Variants in RAB7B observed in about 807,000 individuals in gnomAD.
RAB7B encodes RAB7B, member RAS oncogene family.
chr1:205,990,193 A>G (rs1310471629), intron 4 of RAB7B, among the ~76,000 whole-genome samples: 1 of 152,206 alleles, frequency 6.6e-6, no homozygotes, highest in Non-Finnish European at 1.5e-5. Flanking sequence ...GGATGACTCT[A>G]AATCCCACAG....
At chr1:205,990,532 C>CAGAG (rs1217686492) in intron 4 of RAB7B, among the ~76,000 whole-genome samples, 2 of 149,280 alleles carry the variant, frequency 1.3e-5, no homozygotes, top group Non-Finnish European at 3.0e-5. Flanking sequence ...GTGGATTCAA[C>CAGAG]AGAGAGAGAG....
At chr1:205,994,633 T>C (rs1443259934) in intron 1 of RAB7B, among the ~76,000 whole-genome samples, 1 of 152,194 alleles carries the variant, frequency 6.6e-6, no homozygotes, top group Non-Finnish European at 1.5e-5. Context: ...ATCAAAAGGC[T>C]CCTCTCTAAT....
chr1:205,982,029 A>G (rs1458415766), intron 5 of RAB7B, among the ~76,000 whole-genome samples: 1 of 152,238 alleles, frequency 6.6e-6, no homozygotes, highest in Non-Finnish European at 1.5e-5. Context: ...GGTCTCTTTC[A>G]GTATGTTAAC....
At chr1:205,988,190 T>C (rs1660647149) in intron 4 of RAB7B, among the ~76,000 whole-genome samples, 1 of 151,758 alleles carries the variant, frequency 6.6e-6, no homozygotes, top group Non-Finnish European at 1.5e-5. Flanking sequence ...TATATATGTA[T>C]GTATATGTGT....
chr1:205,988,463 G>T (rs1402892159), intron 4 of RAB7B, among the ~76,000 whole-genome samples: 1 of 152,126 alleles, frequency 6.6e-6, no homozygotes, highest in African/African-American at 2.4e-5. Flanking sequence ...TCGAACTCCT[G>T]GGCTCAAGCT....
At chr1:206,003,200 C>T in intron 1 of RAB7B, 53 bp downstream of exon 1, 1 of 152,468 alleles carries the variant, frequency 6.6e-6, no homozygotes, top group South Asian at 2.1e-4. Context: ...CAAATAACTC[C>T]CAGGGCTGCA....
chr1:205,990,842 C>T (rs1411212015), intron 4 of RAB7B, among the ~76,000 whole-genome samples: 3 of 141,940 alleles, frequency 2.1e-5, no homozygotes, highest in Non-Finnish European at 4.5e-5. Context: ...GGCTGGAGTG[C>T]AGTGGTGCGA....
At chr1:205,998,882 T>C (rs1660848425) in intron 1 of RAB7B, among the ~76,000 whole-genome samples, 1 of 152,254 alleles carries the variant, frequency 6.6e-6, no homozygotes, top group South Asian at 2.1e-4. Flanking sequence ...GCTAGCTATT[T>C]TATTGCACAC....
intron 4 of RAB7B, among the ~76,000 whole-genome samples, chr1:205,991,990 C>T (rs1233442421): frequency 6.6e-6 from 1 of 152,222 alleles, no homozygotes; most frequent in African/African-American, 2.4e-5. Context: ...CCCCAGAAAA[C>T]TTGTATATCC....
intron 4 of RAB7B, among the ~76,000 whole-genome samples, chr1:205,986,259 A>G (rs1660602155): frequency 6.6e-6 from 1 of 152,220 alleles, no homozygotes; most frequent in Non-Finnish European, 1.5e-5. Context: ...AACAATTAAT[A>G]AGCTCCTACT....
intron 4 of RAB7B, among the ~76,000 whole-genome samples, chr1:205,991,617 A>G (rs1336250162): frequency 1.3e-5 from 2 of 152,190 alleles, no homozygotes; most frequent in East Asian, 1.9e-4. Flanking sequence ...TTCTCCTTCC[A>G]TAAACACACT....
In RAB7B at chr1:205,992,556, AG is replaced by A. The variant is rs1237118023; in HGVS notation, c.319del (p.Leu107TrpfsTer31). 2 of 398,604 alleles carry A rather than the reference AG, an allele frequency of 5.0e-6. No homozygotes were observed. Among genetic ancestry groups the A allele is most frequent in the Admixed American group, 4.4e-5 (1 of 22,724 alleles). The allele number at this position is 398,604 out of a possible 1,614,324, so 24.7% of individuals were successfully genotyped here. On this transcript the variant is annotated frameshift_variant, in exon 4 of 6. Coordinates refer to ENST00000617070, the MANE Select transcript of RAB7B (RefSeq NM_001164522.3). LOFTEE classifies it high-confidence loss of function. ...CTGCTCCATGGGGACAATCTTGGCC[AG>A]GACATCACCCCGCCAGATATCCAGG... The part of the protein sequence containing the change: ...EALDIWRGDV[L>X]AKIVPMEQSY...
chr1:205,983,613 C>T (rs1312056216), intron 5 of RAB7B: 1 of 152,166 alleles, frequency 6.6e-6, no homozygotes, highest in Non-Finnish European at 1.5e-5. Context: ...AGTCATATGT[C>T]TTGCCAAGGG....
At chr1:205,979,064 C>G (rs1318999521) in intron 5 of RAB7B, 136 bp from the exon 6 acceptor site, 1 of 391,904 alleles carries the variant, frequency 2.6e-6, no homozygotes. Flanking sequence ...GAGGCCCAGA[C>G]AGGGAAGCCA....
At chr1:205,980,202 C>A (rs1015226179) in intron 5 of RAB7B, among the ~76,000 whole-genome samples, 5 of 152,254 alleles carry the variant, frequency 3.3e-5, no homozygotes, top group African/African-American at 7.2e-5. Flanking sequence ...TCTCACCCCC[C>A]ACCCTGGTAG....
intron 1 of RAB7B, among the ~76,000 whole-genome samples, chr1:205,997,170 G>A (rs1400550919): frequency 6.6e-6 from 1 of 152,174 alleles, no homozygotes; most frequent in African/African-American, 2.4e-5. Context: ...TGGTTCACAC[G>A]TTCATGCAGC....
chr1:205,982,744 G>A lies in RAB7B; in HGVS notation c.522+2796C>T, dbSNP rs1362090078. Among the ~76,000 whole-genome samples, 8 of 152,112 alleles carry A rather than the reference G, an allele frequency of 5.3e-5. No homozygotes were observed. In the East Asian group the frequency reaches 7.7e-4, roughly 15 times the overall value. ...GGGGCTCACTCCTTATTATAGAAGC[G>A]CCTCCCACATTCTCCTCTCAAAACA... On this transcript the variant is annotated intron_variant, in intron 5 of 5. Coordinates refer to ENST00000617070, the MANE Select transcript of RAB7B (RefSeq NM_001164522.3).
At chr1:205,988,991 A>G (rs1428937900) in intron 4 of RAB7B, among the ~76,000 whole-genome samples, 1 of 151,758 alleles carries the variant, frequency 6.6e-6, no homozygotes, top group East Asian at 1.9e-4. Context: ...GCTCTCTCCC[A>G]CACACCTCAT....
intron 5 of RAB7B, among the ~76,000 whole-genome samples, chr1:205,982,964 G>A (rs1660522656): frequency 1.3e-5 from 2 of 152,172 alleles, no homozygotes; most frequent in Admixed American, 6.5e-5. Flanking sequence ...CGTTTCTCCT[G>A]CAAATTTCTA....
Sources: gnomAD v4.1 joint callset for allele counts (sites outside exome capture counted in the v4.1 genomes callset) on GRCh38, gnomAD v4.1.1 for gene constraint, MANE v1.5 for transcripts, NCBI Gene and HGNC (gene_info 2026-07-23, HGNC 2026-07-21) for gene names.